MAF: variants seen among roughly 807,000 people sequenced by gnomAD.
MAF encodes transcription factor Maf.
Under a neutral mutation model 22.0 loss-of-function variants are expected in MAF, and 10 were observed. The ratio of observed to expected loss-of-function variants is 0.45; its 90% CI spans 0.28 to 0.77. The LOEUF is 0.77. Among genes scored for constraint, MAF ranks in the 30% least tolerant of loss-of-function variants. MAF has a pLI of 0.12. For missense variants in MAF, 544 were observed against 548.4 expected, an observed-to-expected ratio of 0.99 and a Z score of 0.08; for synonymous variants, 337 against 255.8, an observed-to-expected ratio of 1.32 and a Z score of -3.03.
the MAF span, among the ~76,000 whole-genome samples, chr16:79,521,833 T>C: frequency 5.3e-4 from 80 of 152,322 alleles, no homozygotes; most frequent in African/African-American, 1.9e-3. Flanking sequence ...CTAAGCACTC[T>C]AATAAATATA....
the MAF span, among the ~76,000 whole-genome samples, chr16:79,369,064 A>G: frequency 6.6e-6 from 1 of 152,240 alleles, no homozygotes; most frequent in Non-Finnish European, 1.5e-5. Flanking sequence ...TTGGACACAC[A>G]GCAAGAGCCC....
At chr16:79,339,067 T>A in the MAF span, among the ~76,000 whole-genome samples, 1 of 151,900 alleles carries the variant, frequency 6.6e-6, no homozygotes, top group South Asian at 2.1e-4. Context: ...ATTTTTTATT[T>A]TTTAATTTAT....
At chr16:79,237,167 T>C in the MAF span, among the ~76,000 whole-genome samples, 1 of 151,984 alleles carries the variant, frequency 6.6e-6, no homozygotes. Flanking sequence ...AAATAATAAT[T>C]TTTAAAAAAC....
the MAF span, among the ~76,000 whole-genome samples, chr16:79,351,775 G>A: frequency 1.3e-5 from 2 of 152,082 alleles, no homozygotes. Context: ...ACAAGTGTCG[G>A]GCAGAAGCCT....
At chr16:79,575,486 A>G in the MAF span, among the ~76,000 whole-genome samples, 1 of 152,226 alleles carries the variant, frequency 6.6e-6, no homozygotes, top group African/African-American at 2.4e-5. Context: ...ACACCTGACC[A>G]AGAGGAGCCA....
chr16:79,418,836 G>C, the MAF span, among the ~76,000 whole-genome samples: 29,133 of 152,054 alleles, frequency 0.19, 3,126 homozygotes, highest in African/African-American at 0.3. Context: ...CTCACCGCAT[G>C]GTTGGGTGGA....
the MAF span, among the ~76,000 whole-genome samples, chr16:79,356,174 A>G: frequency 1.9e-5 from 2 of 105,868 alleles, no homozygotes; most frequent in Non-Finnish European, 4.1e-5. Context: ...ACATACACTC[A>G]TACATGTGCA....
the MAF span, among the ~76,000 whole-genome samples, chr16:79,350,902 T>TGTGC: frequency 3.4e-5 from 5 of 147,948 alleles, no homozygotes; most frequent in South Asian, 2.1e-4. Flanking sequence ...TGTGTGTGTG[T>TGTGC]GCGTGTGAAT....
At chr16:79,400,272 G>A in the MAF span, among the ~76,000 whole-genome samples, 1 of 152,142 alleles carries the variant, frequency 6.6e-6, no homozygotes, top group African/African-American at 2.4e-5. Context: ...TGTGGCTTGG[G>A]GTGGTAGGGT....
the MAF span, chr16:79,212,782 G>T: frequency 6.6e-6 from 1 of 150,592 alleles, no homozygotes; most frequent in Non-Finnish European, 1.5e-5. Context: ...AGCGCTTCTC[G>T]TAGATGCCAG....
the MAF span, among the ~76,000 whole-genome samples, chr16:79,505,394 C>T: frequency 2.0e-5 from 3 of 152,134 alleles, no homozygotes; most frequent in African/African-American, 7.2e-5. Flanking sequence ...CTGGTTTGTC[C>T]TTGTCCCTCA....
chr16:79,387,506 T>C, the MAF span, among the ~76,000 whole-genome samples: 1 of 152,172 alleles, frequency 6.6e-6, no homozygotes, highest in Non-Finnish European at 1.5e-5. Flanking sequence ...CTAAGTCTGG[T>C]TCATCCTTCT....
At chr16:79,537,668 G>T in the MAF span, among the ~76,000 whole-genome samples, 195 of 152,260 alleles carry the variant, frequency 1.3e-3, no homozygotes, top group Non-Finnish European at 1.9e-3. Flanking sequence ...AGAACAGATG[G>T]CTCCTAGAAA....
chr16:79,423,165 A>T, the MAF span, among the ~76,000 whole-genome samples: 1 of 152,222 alleles, frequency 6.6e-6, no homozygotes, highest in Non-Finnish European at 1.5e-5. Flanking sequence ...GCATATCCCA[A>T]ATATTGCATA....
the MAF span, among the ~76,000 whole-genome samples, chr16:79,551,451 C>T: frequency 6.6e-6 from 1 of 152,134 alleles, no homozygotes; most frequent in East Asian, 1.9e-4. Flanking sequence ...AGCTTGAGTC[C>T]CACTCTCTCC....
At chr16:79,584,353 A>T (rs1164435918), downstream of MAF, among the ~76,000 whole-genome samples, 1 of 152,196 alleles carries the variant, frequency 6.6e-6, no homozygotes, top group Non-Finnish European at 1.5e-5. Context: ...TTCATATATC[A>T]GCTTATAATA....
At chr16:79,324,116 C>A in the MAF span, among the ~76,000 whole-genome samples, 1 of 152,204 alleles carries the variant, frequency 6.6e-6, no homozygotes, top group South Asian at 2.1e-4. Context: ...TTTGCTTTTA[C>A]ATGACTTCTG....
At chr16:79,243,857 G>C in the MAF span, among the ~76,000 whole-genome samples, 2 of 151,964 alleles carry the variant, frequency 1.3e-5, no homozygotes, top group Non-Finnish European at 2.9e-5. Context: ...ACATCAAAAA[G>C]GTTGCCAACC....
the MAF span, among the ~76,000 whole-genome samples, chr16:79,486,051 T>G: frequency 0.9 from 137,052 of 152,228 alleles, 61,755 homozygotes; most frequent in East Asian, 1. Context: ...ACAGAGAAAA[T>G]AAAAGGTCAA....
Sources: allele counts gnomAD v4.1 joint callset (sites outside exome capture counted in the v4.1 genomes callset), GRCh38; gene constraint gnomAD v4.1.1; transcripts MANE v1.5; gene names NCBI Gene and HGNC (gene_info 2026-07-23, HGNC 2026-07-21).